NDST4: variants seen among roughly 807,000 people sequenced by gnomAD.
The protein encoded by NDST4 is N-deacetylase and N-sulfotransferase 4.
A neutral mutation model predicts 100.8 loss-of-function variants in NDST4; 63 were observed. That is an observed-to-expected ratio of 0.62 (90% CI 0.51 to 0.77). NDST4 has a LOEUF of 0.77. NDST4 is among the 30% of genes least tolerant of loss of function. The probability of loss-of-function intolerance (pLI) is 0.00; values close to 1 mark genes in which losing one functional copy is unlikely to be tolerated. For synonymous variants in NDST4, 377 were observed against 361.8 expected, an observed-to-expected ratio of 1.04 and a Z score of -0.48; for missense variants, 943 against 1,018.4, an observed-to-expected ratio of 0.93 and a Z score of 1.01.
At chr4:115,083,331 A>T (rs769717137) in intron 1 of NDST4, among the ~76,000 whole-genome samples, 2 of 151,976 alleles carry the variant, frequency 1.3e-5, no homozygotes, top group African/African-American at 4.8e-5. Context: ...CGGTGGTGTG[A>T]ACCTGTAGTT....
chr4:114,949,895 C>T (rs369936676), intron 4 of NDST4, among the ~76,000 whole-genome samples: 1 of 152,056 alleles, frequency 6.6e-6, no homozygotes, highest in East Asian at 1.9e-4. Flanking sequence ...TTTAAGACAT[C>T]TGTAGCCTGA....
intron 4 of NDST4, among the ~76,000 whole-genome samples, chr4:114,942,714 T>C (rs1725776293): frequency 6.6e-6 from 1 of 152,042 alleles, no homozygotes; most frequent in Admixed American, 6.6e-5. Flanking sequence ...ACCCACTGAC[T>C]TTATGTTGGT....
chr4:114,959,801 T>C (rs1284097183), intron 4 of NDST4, among the ~76,000 whole-genome samples: 1 of 152,110 alleles, frequency 6.6e-6, no homozygotes, highest in Non-Finnish European at 1.5e-5. Context: ...TGGGACACTA[T>C]TAAATGTACC....
chr4:114,990,263 A>G (rs1390048684), intron 2 of NDST4, among the ~76,000 whole-genome samples: 1 of 151,704 alleles, frequency 6.6e-6, no homozygotes, highest in Non-Finnish European at 1.5e-5. Context: ...AATAAAAAAC[A>G]CATTATTACT....
intron 1 of NDST4, among the ~76,000 whole-genome samples, chr4:115,099,608 A>G (rs1279176646): frequency 2.0e-5 from 3 of 152,208 alleles, no homozygotes. Flanking sequence ...TAAAGTATCA[A>G]TGAGATGCCA....
intron 6 of NDST4, among the ~76,000 whole-genome samples, chr4:114,908,064 T>C (rs1429798235): frequency 6.6e-6 from 1 of 152,114 alleles, no homozygotes. Flanking sequence ...GTGAACAAAG[T>C]GAGCAATATT....
At chr4:115,046,117 G>A (rs1449831130) in intron 2 of NDST4, among the ~76,000 whole-genome samples, 1 of 152,080 alleles carries the variant, frequency 6.6e-6, no homozygotes, top group Non-Finnish European at 1.5e-5. Context: ...ACTCTCAGAC[G>A]CCATCCAGGC....
At chr4:115,069,433 T>C (rs570183208) in intron 2 of NDST4, among the ~76,000 whole-genome samples, 60 of 152,130 alleles carry the variant, frequency 3.9e-4, no homozygotes, top group African/African-American at 1.3e-3. Context: ...CCAGTATCTA[T>C]AAGGAACTTA....
intron 6 of NDST4, among the ~76,000 whole-genome samples, chr4:114,933,560 A>G (rs1348599348): frequency 2.0e-5 from 3 of 151,690 alleles, no homozygotes; most frequent in South Asian, 2.1e-4. Flanking sequence ...AACAGAGTGA[A>G]AAAGACAACC....
intron 6 of NDST4, among the ~76,000 whole-genome samples, chr4:114,920,534 T>A (rs2126218786): frequency 6.6e-6 from 1 of 152,316 alleles, no homozygotes; most frequent in Non-Finnish European, 1.5e-5. Context: ...TTATTGAATA[T>A]CTTAAATTGT....
intron 7 of NDST4, among the ~76,000 whole-genome samples, chr4:114,856,150 C>G (rs1723789476): frequency 6.6e-6 from 1 of 151,882 alleles, no homozygotes; most frequent in African/African-American, 2.4e-5. Context: ...GCAACCTTCT[C>G]TTCTCAGATT....
At chr4:114,938,292 C>T (rs986239599) in intron 4 of NDST4, among the ~76,000 whole-genome samples, 1 of 152,248 alleles carries the variant, frequency 6.6e-6, no homozygotes, top group Admixed American at 6.5e-5. Flanking sequence ...TGAACCTTAA[C>T]AACTCAATTT....
At chr4:114,876,653 A>G (rs967408329) in intron 6 of NDST4, among the ~76,000 whole-genome samples, 2 of 152,130 alleles carry the variant, frequency 1.3e-5, no homozygotes, top group African/African-American at 4.8e-5. Flanking sequence ...TAGATATCAA[A>G]AGTAAGGAAA....
At chr4:114,947,917 G>T (rs1338558287) in intron 4 of NDST4, among the ~76,000 whole-genome samples, 1 of 152,038 alleles carries the variant, frequency 6.6e-6, no homozygotes, top group Admixed American at 6.6e-5. Flanking sequence ...GGGGATGCCT[G>T]TGTATGTGAA....
At chr4:115,063,284 A>G (rs1274379215) in intron 2 of NDST4, among the ~76,000 whole-genome samples, 3 of 152,010 alleles carry the variant, frequency 2.0e-5, no homozygotes, top group Admixed American at 6.6e-5. Context: ...GAAATCATCA[A>G]TCCCAGCAAT....
At chr4:114,889,730 G>C (rs911745660) in intron 6 of NDST4, among the ~76,000 whole-genome samples, 4 of 152,190 alleles carry the variant, frequency 2.6e-5, no homozygotes, top group East Asian at 1.9e-4. Flanking sequence ...AGCCTTGACT[G>C]GGGGGAGAAA....
At chr4:114,971,937 C>T (rs541299018) in intron 3 of NDST4, among the ~76,000 whole-genome samples, 18 of 152,036 alleles carry the variant, frequency 1.2e-4, no homozygotes, top group African/African-American at 4.3e-4. Flanking sequence ...TTATAAATAC[C>T]TGTTTTACAG....
intron 7 of NDST4, among the ~76,000 whole-genome samples, chr4:114,862,214 A>G (rs1370722684): frequency 6.6e-6 from 1 of 152,214 alleles, no homozygotes; most frequent in South Asian, 2.1e-4. Flanking sequence ...GACATTTAGC[A>G]TCTAAAACTC....
intron 2 of NDST4, among the ~76,000 whole-genome samples, chr4:115,051,513 T>C (rs1728582852): frequency 6.6e-6 from 1 of 152,124 alleles, no homozygotes; most frequent in Non-Finnish European, 1.5e-5. Context: ...AAGCATGAAA[T>C]ATTTGTCTTT....
Sources: allele counts gnomAD v4.1 joint callset (sites outside exome capture counted in the v4.1 genomes callset), GRCh38; gene constraint gnomAD v4.1.1; transcripts MANE v1.5; gene names NCBI Gene and HGNC (gene_info 2026-07-23, HGNC 2026-07-21).